Variants in KLHL14 observed in about 807,000 individuals in gnomAD.
KLHL14 encodes kelch like family member 14, also known as kelch-like protein 14.
A neutral mutation model predicts 64.3 loss-of-function variants in KLHL14; 22 were observed. The observed-to-expected ratio is 0.34, with a 90% CI of 0.24 to 0.49. The LOEUF is 0.49. Among genes scored for constraint, KLHL14 ranks in the 20% least tolerant of loss-of-function variants. KLHL14 has a pLI of 0.99. For synonymous variants in KLHL14, 322 were observed against 333.4 expected, an observed-to-expected ratio of 0.97 and a Z score of 0.37; for missense variants, 661 against 789.0, an observed-to-expected ratio of 0.84 and a Z score of 1.94.
intron 2 of KLHL14, chr18:32,743,670 C>T (rs1353138993): frequency 5.3e-5 from 8 of 152,168 alleles, no homozygotes; most frequent in East Asian, 1.9e-4. Context: ...TACCCATATG[C>T]TTTATAGACT....
In KLHL14 at chr18:32,693,413, C is replaced by CACACACAGAG. The variant is rs1229737083; in HGVS notation, c.1159+2049_1159+2050insCTCTGTGTGT. Among the ~76,000 whole-genome samples the CACACACAGAG allele has an allele frequency of 5.2e-3, 509 of 96,992 alleles. 7 individuals are homozygous for CACACACAGAG. The highest frequency in any genetic ancestry group is 0.023 in the African/African-American group (482 of 20,638). The allele number at this position is 96,992 out of a possible 152,430, so 63.6% of individuals were successfully genotyped here. A position where few individuals can be genotyped will look rare whatever the true frequency, so the allele number is the denominator to read the frequency against. ...ACACACACACACACACACACACACA[C>CACACACAGAG]AGAGAGAGAGAGAGAGAGAGAGAGA... On this transcript the variant is annotated intron_variant, in intron 4 of 8. Coordinates refer to ENST00000359358, the MANE Select transcript of KLHL14 (RefSeq NM_020805.3).
At chr18:32,708,771 G>C (rs1335020041) in intron 3 of KLHL14, among the ~76,000 whole-genome samples, 1 of 152,164 alleles carries the variant, frequency 6.6e-6, no homozygotes, top group Non-Finnish European at 1.5e-5. Context: ...ACAAATCCTG[G>C]AGCTGCTTAC....
intron 4 of KLHL14, among the ~76,000 whole-genome samples, chr18:32,689,044 T>A (rs538390237): frequency 6.6e-6 from 1 of 152,278 alleles, no homozygotes; most frequent in South Asian, 2.1e-4. Context: ...CCTGAATAAC[T>A]GAATGGAAGA....
At chr18:32,689,643 T>G (rs930043434) in intron 4 of KLHL14, among the ~76,000 whole-genome samples, 1 of 151,926 alleles carries the variant, frequency 6.6e-6, no homozygotes, top group African/African-American at 2.4e-5. Context: ...TGAAGGAAGG[T>G]TTGTTTGGTT....
At chr18:32,739,451 T>TA (rs1323544258) in intron 3 of KLHL14, among the ~76,000 whole-genome samples, 2 of 151,880 alleles carry the variant, frequency 1.3e-5, no homozygotes, top group African/African-American at 4.8e-5. Flanking sequence ...TCAACAAATG[T>TA]AAAAAATATG....
chr18:32,766,146 T>C (rs893035652), intron 2 of KLHL14, among the ~76,000 whole-genome samples: 30 of 152,102 alleles, frequency 2.0e-4, no homozygotes, highest in Non-Finnish European at 4.4e-5. Context: ...CAACTTTTAA[T>C]AAGCATTTAT....
intron 3 of KLHL14, among the ~76,000 whole-genome samples, chr18:32,733,389 G>GA (rs1555664248): frequency 2.7e-5 from 4 of 147,420 alleles, no homozygotes; most frequent in African/African-American, 1.0e-4. Context: ...GAGAGAGAAA[G>GA]GAGAGAGAGA....
intron 3 of KLHL14, among the ~76,000 whole-genome samples, chr18:32,706,951 C>T (rs982575093): frequency 1.8e-4 from 28 of 152,192 alleles, no homozygotes; most frequent in Middle Eastern, 3.4e-3. Flanking sequence ...GGAGAAGTCA[C>T]CTGCACTTCT....
Position 32,770,031 on chromosome 18 carries a change from C to G in KLHL14, c.561G>C (p.Lys187Asn). Reference sequence around the variant, plus strand: ...GCAGCGCGGCGATCTTGCACACCTGCTTGTAGTTCTGCACCGAGATCTGGT... The same window carrying G: ...GCAGCGCGGCGATCTTGCACACCTGGTTGTAGTTCTGCACCGAGATCTGGT... ...LNDQISVQNY[K>N]QVCKIAALHG... Residue 187 changes from lysine (K) to asparagine (N), a missense_variant, in exon 2 of 9, where the codon AAG becomes AAC. By Grantham distance (94) the Lys-to-Asn change is moderately conservative (BLOSUM62 0). This residue lies in a region of KLHL14 where 331 missense variants were observed against 339.0 expected (regional missense o/e 0.98). Transcript: ENST00000359358. The surrounding 1 kb of genome is among the most constrained non-coding windows in gnomAD (Gnocchi z 6.7). 6.2e-7 allele frequency: 1 copy of G among 1,614,078 alleles called. No individual in the cohort carries two copies. Among genetic ancestry groups the G allele is most frequent in the Non-Finnish European group, 8.5e-7 (1 of 1,179,998 alleles).
In KLHL14 at chr18:32,673,615, G is replaced by A. The variant is rs2049796537; in HGVS notation, c.*1042C>T. ...TCTAGAGGCACCCGAAGGTGAGGAA[G>A]AGGAGAAGTATTCTGTCAGGTGCTA... On this transcript the variant is annotated 3_prime_UTR_variant, in exon 9 of 9. Transcript: ENST00000359358. 6.6e-6 allele frequency: 1 copy of A among 152,236 alleles called. No individual in the cohort carries two copies. The highest frequency in any genetic ancestry group is 1.5e-5 in the Non-Finnish European group (1 of 68,044). 9.4% of individuals were successfully genotyped at this position (152,236 alleles called of 1,614,324 possible). A position where few individuals can be genotyped will look rare whatever the true frequency, so the allele number is the denominator to read the frequency against.
chr18:32,701,036 A>G (rs141114687), intron 3 of KLHL14, among the ~76,000 whole-genome samples: 390 of 152,326 alleles, frequency 2.6e-3, no homozygotes, highest in African/African-American at 8.8e-3. Flanking sequence ...AGGGCAGACC[A>G]GTGCAGTGTG....
chr18:32,692,567 TGAG>T (rs898146318), intron 4 of KLHL14, among the ~76,000 whole-genome samples: 4 of 152,234 alleles, frequency 2.6e-5, no homozygotes, highest in African/African-American at 9.6e-5. Flanking sequence ...GTTTTTAAAA[TGAG>T]GACTGATGAA....
chr18:32,684,388 A>G (rs752498770), intron 5 of KLHL14, among the ~76,000 whole-genome samples: 2 of 152,146 alleles, frequency 1.3e-5, no homozygotes, highest in Non-Finnish European at 2.9e-5. Flanking sequence ...AGGGTTGCCT[A>G]GGTAGGCTAT....
At chr18:32,751,742 A>C (rs1011721455) in intron 2 of KLHL14, among the ~76,000 whole-genome samples, 1 of 152,230 alleles carries the variant, frequency 6.6e-6, no homozygotes. Context: ...TCACTGAAAA[A>C]ACTTCTGACT....
chr18:32,680,311 TC>T lies in KLHL14; in HGVS notation c.1445del (p.Gly482GlufsTer13). 1 of 1,613,886 alleles carries T rather than the reference TC, an allele frequency of 6.2e-7. No homozygotes were observed. The highest frequency in any genetic ancestry group is 8.5e-7 in the Non-Finnish European group (1 of 1,179,830). ...KIYISGGVHN[G>X]EYVPWLYCYD... ...AGCAATATAGCCATGGGACATATTC[TC>T]CATTGTGTACACCCCCTGTGAAATA... On this transcript the variant is annotated frameshift_variant, in exon 7 of 9. Transcript: ENST00000359358. LOFTEE classifies it high-confidence loss of function. This position sits in a 1 kb window ranked among gnomAD's most constrained non-coding sequence, Gnocchi z 4.8.
At chr18:32,768,270 G>A (rs1344073855) in intron 2 of KLHL14, among the ~76,000 whole-genome samples, 1 of 152,088 alleles carries the variant, frequency 6.6e-6, no homozygotes, top group African/African-American at 2.4e-5. Flanking sequence ...TTTGTTACAA[G>A]TTCAAGATTT....
At chr18:32,752,255 C>A (rs73411263) in intron 2 of KLHL14, among the ~76,000 whole-genome samples, 71 of 152,234 alleles carry the variant, frequency 4.7e-4, no homozygotes, top group African/African-American at 1.7e-3. Flanking sequence ...GTTATAGATT[C>A]TTTATATTCT....
intron 3 of KLHL14, 48 bp from the exon 4 acceptor site, chr18:32,695,600 G>C: frequency 8.1e-7 from 1 of 1,227,284 alleles, no homozygotes; most frequent in Non-Finnish European, 1.2e-6. Flanking sequence ...TCCATCTCAG[G>C]ATTTGCTACC....
intron 7 of KLHL14, among the ~76,000 whole-genome samples, chr18:32,678,955 A>G (rs1467530057): frequency 6.6e-6 from 1 of 152,210 alleles, no homozygotes; most frequent in Non-Finnish European, 1.5e-5. Context: ...ATGCAAAGAA[A>G]TCACATTTTA....
Sources: gnomAD v4.1 joint callset for allele counts (sites outside exome capture counted in the v4.1 genomes callset) on GRCh38, gnomAD v4.1.1 for gene constraint, gnomAD v4.1.1 regional missense constraint, Gnocchi (gnomAD v3.1) non-coding constraint, MANE v1.5 for transcripts, NCBI Gene and HGNC (gene_info 2026-07-23, HGNC 2026-07-21) for gene names.